CD9: variants seen among roughly 807,000 people sequenced by gnomAD.
CD9 encodes the protein CD9 molecule, also known as CD9 antigen.
A neutral mutation model predicts 31.4 loss-of-function variants in CD9; 10 were observed. The ratio of observed to expected loss-of-function variants is 0.32; its 90% confidence interval spans 0.20 to 0.54. The LOEUF is 0.54. Ranked by LOEUF, CD9 falls within the 20% of genes least tolerant of loss-of-function variation. The probability of loss-of-function intolerance (pLI) is 0.94; values close to 1 mark genes in which losing one functional copy is unlikely to be tolerated. For synonymous variants in CD9, 113 were observed against 114.1 expected (o/e 0.99, Z 0.06); for missense variants, 259 against 300.1 (o/e 0.86, Z 1.01).
chr12:6,210,267 C>T (rs1381853028), intron 1 of CD9, among the ~76,000 whole-genome samples: 3 of 152,182 alleles, frequency 2.0e-5, no homozygotes, highest in Non-Finnish European at 1.5e-5. Context: ...GCTGCGGTCC[C>T]GTCTATGGAC....
At chr12:6,214,032 T>C (rs1017681861) in intron 1 of CD9, among the ~76,000 whole-genome samples, 4 of 152,186 alleles carry the variant, frequency 2.6e-5, no homozygotes, top group African/African-American at 9.6e-5. Context: ...TCTTTCCCAG[T>C]CACCCCCTGG....
At chr12:6,216,901 A>AT (rs199631943) in intron 1 of CD9, among the ~76,000 whole-genome samples, 21 of 151,834 alleles carry the variant, frequency 1.4e-4, no homozygotes, top group African/African-American at 4.4e-4. Context: ...TATTATTGTC[A>AT]TTTTTTTTCC....
intron 2 of CD9, chr12:6,226,207 C>T (rs1256717314): frequency 1.3e-5 from 2 of 152,248 alleles, no homozygotes; most frequent in African/African-American, 4.8e-5. Flanking sequence ...ACTCAGGCTT[C>T]TTGGCAGCCT....
At chr12:6,222,373 ACCTTTCT>A (rs1001682095) in intron 1 of CD9, among the ~76,000 whole-genome samples, 20 of 152,162 alleles carry the variant, frequency 1.3e-4, no homozygotes, top group African/African-American at 4.6e-4. Flanking sequence ...GGTTACTTGA[ACCTTTCT>A]CCTCTCTTAT....
chr12:6,237,980 CT>C lies in CD9; in HGVS notation c.*155del. The C allele has an allele frequency of 3.6e-6, 2 of 561,138 alleles. No individual in the cohort carries two copies. Among genetic ancestry groups the C allele is most frequent in the East Asian group, 6.1e-5 (2 of 32,558 alleles). The allele number at this position is 561,138 out of a possible 1,614,324, so 34.8% of individuals were successfully genotyped here. On this transcript the variant is annotated 3_prime_UTR_variant, in exon 8 of 8. Coordinates refer to ENST00000009180, the MANE Select transcript of CD9 (RefSeq NM_001769.4). ...CATTGCTAGATAAAAGCTGAAGTTA[CT>C]TTATGTTTGTCTTTTAATGCTTCAT...
chr12:6,214,058 C>T (rs560991928), intron 1 of CD9, among the ~76,000 whole-genome samples: 163 of 152,294 alleles, frequency 1.1e-3, no homozygotes, highest in African/African-American at 3.6e-3. Flanking sequence ...GAGGAAGCAC[C>T]GTGCATCGAG....
intron 1 of CD9, among the ~76,000 whole-genome samples, chr12:6,217,704 T>C (rs974579057): frequency 1.1e-4 from 16 of 152,122 alleles, no homozygotes; most frequent in Admixed American, 9.2e-4. Flanking sequence ...CAAGTAGCCA[T>C]TGCTTTTCCA....
chr12:6,217,577 G>A (rs752855334), intron 1 of CD9, among the ~76,000 whole-genome samples: 1 of 152,136 alleles, frequency 6.6e-6, no homozygotes, highest in Non-Finnish European at 1.5e-5. Flanking sequence ...ACCCCATAAA[G>A]AAGCAGGCCC....
At position 6,222,402 on chromosome 12, in the gene CD9, A is replaced by T. The variant is rs1223602467; in HGVS notation, c.67-3024A>T. Among the ~76,000 whole-genome samples, 31 of 152,160 alleles carry T rather than the reference A, an allele frequency of 2.0e-4. 1 individual carries two copies. The highest frequency in any genetic ancestry group is 2.0e-3 in the Admixed American group (31 of 15,286). On this transcript the variant is annotated intron_variant, in intron 1 of 7. Coordinates refer to ENST00000009180, the MANE Select transcript of CD9 (RefSeq NM_001769.4). ...TTCTCCTCTCTTATTGTGAGTTGTTAAGCCTGTGAGACCGAGACCTATGGC... is the reference window on the plus strand; with the variant it reads ...TTCTCCTCTCTTATTGTGAGTTGTTTAGCCTGTGAGACCGAGACCTATGGC...
At chr12:6,217,630 A>G (rs1159328234) in intron 1 of CD9, among the ~76,000 whole-genome samples, 1 of 152,188 alleles carries the variant, frequency 6.6e-6, no homozygotes, top group Non-Finnish European at 1.5e-5. Flanking sequence ...TATTCTTTCT[A>G]TTAAGCCACC....
chr12:6,212,133 G>T (rs1946199923), intron 1 of CD9, among the ~76,000 whole-genome samples: 1 of 152,170 alleles, frequency 6.6e-6, no homozygotes, highest in African/African-American at 2.4e-5. Context: ...TTCTATCAGG[G>T]AGGAGACAGG....
chr12:6,206,468 C>G (rs1402471393), intron 1 of CD9, among the ~76,000 whole-genome samples: 2 of 152,140 alleles, frequency 1.3e-5, no homozygotes, highest in African/African-American at 2.4e-5. Flanking sequence ...AAGCGATCTG[C>G]CAACCTTGGC....
In CD9 at chr12:6,235,578, C is replaced by T; in HGVS notation, c.537+13C>T. On this transcript the variant is annotated intron_variant, in intron 6 of 7. Transcript: ENST00000009180. ...CTTCACCGTGAAGGTAAACTCAGAC[C>T]AGGATCCTGGTGTCCCTGCCCCCAT... is the stretch of plus-strand genomic sequence containing the variant. 4 of 1,603,590 alleles carry T rather than the reference C, an allele frequency of 2.5e-6. No homozygotes were observed. The highest frequency in any genetic ancestry group is 3.4e-6 in the Non-Finnish European group (4 of 1,172,776).
intron 1 of CD9, among the ~76,000 whole-genome samples, chr12:6,224,638 G>A (rs903165212): frequency 1.3e-5 from 2 of 152,138 alleles, no homozygotes; most frequent in African/African-American, 2.4e-5. Context: ...CCACTCCTGC[G>A]TCCAGCCGGC....
At chr12:6,226,971 C>G (rs550191351) in intron 2 of CD9, among the ~76,000 whole-genome samples, 341 of 152,302 alleles carry the variant, frequency 2.2e-3, no homozygotes, top group African/African-American at 7.4e-3. Context: ...CAGGAGCAGG[C>G]ACAGTCAGGC....
chr12:6,224,236 G>A (rs1022301161), intron 1 of CD9, among the ~76,000 whole-genome samples: 1 of 152,170 alleles, frequency 6.6e-6, no homozygotes, highest in African/African-American at 2.4e-5. Flanking sequence ...GCAGGGAAGG[G>A]CCGCATCTCA....
chr12:6,200,679 C>G lies in CD9; in HGVS notation c.66+114C>G. 7 of 669,194 alleles carry G rather than the reference C, an allele frequency of 1.0e-5. No individual in the cohort carries two copies. The South Asian group carries it at 1.3e-4, about 13-fold the overall frequency. 41.5% of individuals were successfully genotyped at this position (669,194 alleles called of 1,614,324 possible). On this transcript the variant is annotated intron_variant, in intron 1 of 7. Transcript: ENST00000009180. ...TGGCACTGCCCGCACCGGGCAGGCACCGGGCGGGAAGAGAGAGCGCCCTGC... is the reference window on the plus strand; with the variant it reads ...TGGCACTGCCCGCACCGGGCAGGCAGCGGGCGGGAAGAGAGAGCGCCCTGC...
intron 7 of CD9, 78 bp downstream of exon 7, chr12:6,236,353 C>G (rs1030448253): frequency 4.8e-5 from 61 of 1,277,208 alleles, no homozygotes; most frequent in Non-Finnish European, 6.8e-5. Flanking sequence ...CCAGACACCG[C>G]CGCACTCTGT....
In CD9 at chr12:6,238,081, C is replaced by A; in HGVS notation, c.*253C>A. ...ATATTTTTTCAGTTGTTTGTTTTTG[C>A]TTGTTATATTAAGCAGAAATCCTGC... On this transcript the variant is annotated 3_prime_UTR_variant, in exon 8 of 8. Coordinates refer to ENST00000009180, the MANE Select transcript of CD9 (RefSeq NM_001769.4). 2.6e-6 allele frequency: 1 copy of A among 377,814 alleles called. No homozygotes were observed. Among genetic ancestry groups the A allele is most frequent in the East Asian group, 5.3e-5 (1 of 18,898 alleles). The allele number at this position is 377,814 out of a possible 1,614,324, so 23.4% of individuals were successfully genotyped here.
Sources: gnomAD v4.1 joint callset for allele counts (sites outside exome capture counted in the v4.1 genomes callset) on GRCh38, gnomAD v4.1.1 for gene constraint, MANE v1.5 for transcripts, NCBI Gene and HGNC (gene_info 2026-07-23, HGNC 2026-07-21) for gene names.